Variants in KANK1 observed in about 807,000 individuals in gnomAD.
KANK1 encodes KN motif and ankyrin repeat domain-containing protein 1.
KANK1 carries 109 observed loss-of-function variants against 106.2 expected under a neutral mutation model. That is an observed-to-expected ratio of 1.03 (90% CI 0.88 to 1.20). The LOEUF is 1.20. KANK1 is among the 50% of genes most tolerant of loss of function. KANK1 has a pLI of 0.00. For synonymous variants in KANK1, 873 were observed against 652.2 expected (o/e 1.34, Z -5.16); for missense variants, 2,399 against 1,710.7 (o/e 1.40, Z -7.10).
At chr9:551,751 A>G (rs1203966441) in intron 1 of KANK1, among the ~76,000 whole-genome samples, 1 of 152,078 alleles carries the variant, frequency 6.6e-6, no homozygotes, top group Non-Finnish European at 1.5e-5. Context: ...TGGTGATAAG[A>G]GTTACAAAAT....
chr9:707,257 C>T (rs1024746585), intron 2 of KANK1: 2 of 984,300 alleles, frequency 2.0e-6, no homozygotes, highest in Non-Finnish European at 2.4e-6. Flanking sequence ...GGTAGGTGAG[C>T]TGCGAGCGGC....
At chr9:592,293 A>C (rs1825111408) in intron 1 of KANK1, among the ~76,000 whole-genome samples, 1 of 151,898 alleles carries the variant, frequency 6.6e-6, no homozygotes, top group Non-Finnish European at 1.5e-5. Flanking sequence ...CCTGGCCTTT[A>C]ATCATCTGTG....
chr9:689,973 CTGT>C (rs1403581609), intron 2 of KANK1, among the ~76,000 whole-genome samples: 2 of 151,706 alleles, frequency 1.3e-5, no homozygotes, highest in Non-Finnish European at 2.9e-5. Context: ...TTTGTTGTTG[CTGT>C]TGTTATTGTT....
chr9:529,992 G>T (rs1232156113), intron 1 of KANK1, among the ~76,000 whole-genome samples: 4 of 152,150 alleles, frequency 2.6e-5, no homozygotes, highest in Non-Finnish European at 5.9e-5. Flanking sequence ...GTAAAAAATG[G>T]TATCTCATCT....
intron 1 of KANK1, among the ~76,000 whole-genome samples, chr9:581,654 C>T (rs1359266625): frequency 6.6e-6 from 1 of 152,188 alleles, no homozygotes; most frequent in African/African-American, 2.4e-5. Flanking sequence ...CTACTGCTTT[C>T]AGGTAGCAGA....
At chr9:744,680 TTATGTTGATTCAGAAA>T (rs1564148703) in intron 11 of KANK1, 91 bp downstream of exon 11, 1 of 1,606,804 alleles carries the variant, frequency 6.2e-7, no homozygotes. Context: ...GAGACAGATT[TTATGTTGATTCAGAAA>T]ATGGAAGTTT....
intron 1 of KANK1, among the ~76,000 whole-genome samples, chr9:558,453 C>T (rs10115212): frequency 0.25 from 37,488 of 152,078 alleles, 4,877 homozygotes; most frequent in Admixed American, 0.37. Context: ...AATACATAGC[C>T]TTGTTTTGCA....
chr9:509,640 A>G (rs941736745), intron 1 of KANK1, among the ~76,000 whole-genome samples: 1 of 152,206 alleles, frequency 6.6e-6, no homozygotes, highest in African/African-American at 2.4e-5. Context: ...GTGTTTTACT[A>G]GTACATACCG....
At chr9:587,895 G>A (rs575970523) in intron 1 of KANK1, among the ~76,000 whole-genome samples, 3 of 152,018 alleles carry the variant, frequency 2.0e-5, no homozygotes, top group Admixed American at 6.6e-5. Context: ...GCGAAACCCC[G>A]TCTCTAATAA....
intron 3 of KANK1, among the ~76,000 whole-genome samples, chr9:488,752 G>A (rs922934511): frequency 6.6e-6 from 1 of 152,162 alleles, no homozygotes; most frequent in Non-Finnish European, 1.5e-5. Flanking sequence ...ACTGCTGCCT[G>A]TTATGTACAA....
At chr9:541,454 G>A (rs554375396) in intron 1 of KANK1, among the ~76,000 whole-genome samples, 2 of 152,272 alleles carry the variant, frequency 1.3e-5, no homozygotes, top group African/African-American at 4.8e-5. Flanking sequence ...GCATGGCTCA[G>A]GGGTAGAGGA....
In KANK1 at chr9:713,228, C is replaced by T. The variant is rs1048447116; in HGVS notation, c.2462C>T (p.Thr821Ile). ...PQPQAPLGMM[T>I]GLDHYIERIQ... ...CCTCAAGCTCCACTTGGAATGATGA[C>T]TGGCCTGGATCACTACATTGAGCGT... The change falls in exon 3 of 12, where the codon ACT (threonine) becomes ATT (isoleucine). Residue 821 changes from threonine to isoleucine, a missense_variant. By Grantham distance (89) the Thr-to-Ile change is moderately conservative. Coordinates refer to ENST00000382297, the MANE Select transcript of KANK1 (RefSeq NM_015158.5). 2 of 1,599,300 alleles carry T rather than the reference C, an allele frequency of 1.3e-6. No homozygotes were observed. Among genetic ancestry groups the T allele is most frequent in the Non-Finnish European group, 1.7e-6 (2 of 1,173,036 alleles).
At chr9:592,328 G>T (rs1051982084) in intron 1 of KANK1, among the ~76,000 whole-genome samples, 3 of 151,860 alleles carry the variant, frequency 2.0e-5, no homozygotes, top group Non-Finnish European at 2.9e-5. Context: ...TTCCCAGGGA[G>T]CAGCGGGAAG....
At chr9:691,952 C>G (rs1289126107) in intron 2 of KANK1, among the ~76,000 whole-genome samples, 1 of 152,058 alleles carries the variant, frequency 6.6e-6, no homozygotes, top group African/African-American at 2.4e-5. Context: ...TCACCTTTGT[C>G]TAAGTACATT....
At chr9:633,480 A>T (rs1054374954) in intron 1 of KANK1, among the ~76,000 whole-genome samples, 7 of 152,042 alleles carry the variant, frequency 4.6e-5, no homozygotes, top group Admixed American at 2.0e-4. Context: ...AAACAAAAAA[A>T]ACACCTTTTT....
chr9:509,375 C>T (rs562716687), intron 1 of KANK1, among the ~76,000 whole-genome samples: 2 of 152,180 alleles, frequency 1.3e-5, no homozygotes, highest in Non-Finnish European at 2.9e-5. Flanking sequence ...TGATTACAGG[C>T]GTGAGCCACT....
chr9:559,215 T>G (rs1253677991), intron 1 of KANK1, among the ~76,000 whole-genome samples: 1 of 152,234 alleles, frequency 6.6e-6, no homozygotes, highest in Non-Finnish European at 1.5e-5. Context: ...AGATTTATTC[T>G]AAACTAAAAG....
At chr9:679,261 A>G (rs992709824) in intron 2 of KANK1, among the ~76,000 whole-genome samples, 30 of 152,140 alleles carry the variant, frequency 2.0e-4, no homozygotes, top group Non-Finnish European at 4.1e-4. Context: ...AGCAAATCTA[A>G]TTAGAGACTC....
intron 3 of KANK1, among the ~76,000 whole-genome samples, chr9:723,473 G>C (rs910894496): frequency 1.3e-5 from 2 of 151,152 alleles, no homozygotes; most frequent in Non-Finnish European, 2.9e-5. Flanking sequence ...GTGCATTTTC[G>C]TGGGGCATGA....
Sources: gnomAD v4.1 joint callset for allele counts (sites outside exome capture counted in the v4.1 genomes callset) on GRCh38, gnomAD v4.1.1 for gene constraint, MANE v1.5 for transcripts, NCBI Gene and HGNC (gene_info 2026-07-23, HGNC 2026-07-21) for gene names.